CXCL13: variants seen among roughly 807,000 people sequenced by gnomAD.
The protein encoded by CXCL13 is C-X-C motif chemokine ligand 13.
CXCL13 carries 7 observed loss-of-function variants against 12.2 expected under a neutral mutation model. That is an observed-to-expected ratio of 0.57 (90% CI 0.33 to 1.07). CXCL13 has a LOEUF of 1.07. Among genes scored for constraint, CXCL13 ranks in the 50% least tolerant of loss-of-function variants. The probability of loss-of-function intolerance (pLI) is 0.04; values close to 1 mark genes in which losing one functional copy is unlikely to be tolerated. For synonymous variants in CXCL13, 47 were observed against 42.4 expected (o/e 1.11, Z -0.42); for missense variants, 113 against 127.4 (o/e 0.89, Z 0.55).
intron 3 of CXCL13, 21 bp downstream of exon 3, chr4:77,610,715 G>C: frequency 6.4e-7 from 1 of 1,568,812 alleles, no homozygotes; most frequent in Non-Finnish European, 8.8e-7. Context: ...CATAACAAGG[G>C]GTTTCAGATT....
chr4:77,580,487 C>T (rs1470903694), intron 1 of CXCL13, among the ~76,000 whole-genome samples: 1 of 150,966 alleles, frequency 6.6e-6, no homozygotes, highest in Non-Finnish European at 1.5e-5. Context: ...CCACCACGCA[C>T]AGCTAATTTT....
intron 1 of CXCL13, among the ~76,000 whole-genome samples, chr4:77,573,197 C>A (rs755674193): frequency 1.3e-5 from 2 of 151,662 alleles, no homozygotes; most frequent in African/African-American, 4.9e-5. Context: ...CACAAGTTTA[C>A]CTATGTAACA....
chr4:77,516,154 A>C (rs932382523), intron 1 of CXCL13, among the ~76,000 whole-genome samples: 4 of 152,206 alleles, frequency 2.6e-5, no homozygotes, highest in Non-Finnish European at 5.9e-5. Flanking sequence ...CCCAGAGATG[A>C]AGCCCACTTG....
chr4:77,539,946 CAA>C (rs1725160919), intron 1 of CXCL13, among the ~76,000 whole-genome samples: 1 of 152,040 alleles, frequency 6.6e-6, no homozygotes, highest in Non-Finnish European at 1.5e-5. Context: ...GACTCAAAAC[CAA>C]GAGTCTCTAT....
At chr4:77,610,409 G>A (rs759882069) in intron 2 of CXCL13, among the ~76,000 whole-genome samples, 2 of 152,092 alleles carry the variant, frequency 1.3e-5, no homozygotes, top group South Asian at 2.1e-4. Context: ...AACCCCACCA[G>A]CTCACACATA....
chr4:77,571,040 G>A lies in CXCL13; in HGVS notation c.-42-34784G>A, dbSNP rs574952418. ...GTCCCATCGGCCACCCAAGGCCTGA[G>A]GAGTGTGAGCGCATGGCGCGGGACT... On this transcript the variant is annotated intron_variant, in intron 1 of 4. Coordinates refer to the CXCL13 transcript ENST00000286758. Among the ~76,000 whole-genome samples, 102 of 152,152 alleles carry A rather than the reference G, an allele frequency of 6.7e-4. 1 individual carries two copies. Among genetic ancestry groups the A allele is most frequent in the Non-Finnish European group, 1.2e-3 (79 of 68,030 alleles).
chr4:77,567,647 G>A (rs1445591976), intron 1 of CXCL13, among the ~76,000 whole-genome samples: 1 of 152,140 alleles, frequency 6.6e-6, no homozygotes, highest in Non-Finnish European at 1.5e-5. Context: ...CCAAAACCAA[G>A]ATGGTGGCAA....
intron 1 of CXCL13, among the ~76,000 whole-genome samples, chr4:77,590,357 T>C (rs1284846933): frequency 2.0e-5 from 3 of 152,242 alleles, no homozygotes; most frequent in African/African-American, 2.4e-5. Context: ...ACCATCCTAC[T>C]TCAAAGAAGC....
rs980034403 is a variant in CXCL13, at chr4:77,521,825, C to T, written c.-43+10037C>T. On this transcript the variant is annotated intron_variant, in intron 1 of 4. Coordinates refer to the CXCL13 transcript ENST00000286758. ...GTTAGGATGTCAATTTTAGATCTTTCCAGCTTTCTCTTGTGGGCATTTAGT... is the reference window on the plus strand; with the variant it reads ...GTTAGGATGTCAATTTTAGATCTTTTCAGCTTTCTCTTGTGGGCATTTAGT... Among the ~76,000 whole-genome samples, 6 of 152,004 alleles carry T rather than the reference C, an allele frequency of 3.9e-5. No homozygotes were observed. The South Asian group carries it at 1.2e-3, about 32-fold the overall frequency.
At chr4:77,542,844 G>A (rs545167450) in intron 1 of CXCL13, among the ~76,000 whole-genome samples, 3 of 152,154 alleles carry the variant, frequency 2.0e-5, no homozygotes, top group Non-Finnish European at 2.9e-5. Context: ...TTGTGCCTTT[G>A]CCAGGTTTTG....
intron 1 of CXCL13, among the ~76,000 whole-genome samples, chr4:77,539,664 G>A (rs533373172): frequency 1.1e-4 from 16 of 152,286 alleles, no homozygotes; most frequent in Non-Finnish European, 1.5e-4. Flanking sequence ...CCATTTTAAT[G>A]TGCTTGCTTG....
rs377046550 is a variant in CXCL13 at position 77,571,969 on chromosome 4, C to G, written c.-42-33855C>G. Among the ~76,000 whole-genome samples the G allele has an allele frequency of 1.3e-3, 193 of 151,894 alleles. 6 individuals are homozygous for G. Among genetic ancestry groups the G allele is most frequent in the African/African-American group, 4.5e-3 (187 of 41,206 alleles). On this transcript the variant is annotated intron_variant, in intron 1 of 4. Transcript: ENST00000286758. ...TAACACTCACTGCGAAGGTCTGCAGCTTCACTCCTGAGCCAGCAAGACCAC... is the reference window on the plus strand; with the variant it reads ...TAACACTCACTGCGAAGGTCTGCAGGTTCACTCCTGAGCCAGCAAGACCAC...
intron 1 of CXCL13, among the ~76,000 whole-genome samples, chr4:77,556,372 T>C (rs974532194): frequency 6.6e-6 from 1 of 152,154 alleles, no homozygotes; most frequent in African/African-American, 2.4e-5. Flanking sequence ...ATTCCTTTTA[T>C]GTGATATTTT....
chr4:77,533,383 G>C (rs189931529), intron 1 of CXCL13, among the ~76,000 whole-genome samples: 2 of 152,178 alleles, frequency 1.3e-5, no homozygotes, highest in Non-Finnish European at 2.9e-5. Flanking sequence ...CTGCCTGATC[G>C]TTCCTCTGGA....
chr4:77,563,963 T>A (rs1725870733), intron 1 of CXCL13, among the ~76,000 whole-genome samples: 1 of 152,186 alleles, frequency 6.6e-6, no homozygotes, highest in African/African-American at 2.4e-5. Context: ...ATGTTTGTAC[T>A]CAGGGCCAGT....
At chr4:77,572,278 G>A (rs1389403888) in intron 1 of CXCL13, among the ~76,000 whole-genome samples, 1 of 151,858 alleles carries the variant, frequency 6.6e-6, no homozygotes, top group African/African-American at 2.4e-5. Context: ...GCACATGCCT[G>A]TAATCCCAGC....
At chr4:77,580,864 C>A (rs1324064137) in intron 1 of CXCL13, among the ~76,000 whole-genome samples, 1 of 149,074 alleles carries the variant, frequency 6.7e-6, no homozygotes, top group Non-Finnish European at 1.5e-5. Flanking sequence ...TTCCTCTCCT[C>A]TTCTCCTGTG....
chr4:77,570,075 C>G (rs978452584), intron 1 of CXCL13, among the ~76,000 whole-genome samples: 3 of 152,152 alleles, frequency 2.0e-5, no homozygotes, highest in Non-Finnish European at 4.4e-5. Flanking sequence ...AAGCCATATG[C>G]AGAAGACTGA....
At chr4:77,605,781 C>T (rs1052473666), upstream of CXCL13, 7 of 738,916 alleles carry the variant, frequency 9.5e-6, no homozygotes, top group Non-Finnish European at 1.5e-5. Context: ...AGGGCCCTTA[C>T]TGGTATAAAT....
Sources: allele counts gnomAD v4.1 joint callset (sites outside exome capture counted in the v4.1 genomes callset), GRCh38; gene constraint gnomAD v4.1.1; transcripts MANE v1.5; gene names NCBI Gene and HGNC (gene_info 2026-07-23, HGNC 2026-07-21).